CAMKMT: variants seen among roughly 807,000 people sequenced by gnomAD.
CAMKMT encodes calmodulin-lysine N-methyltransferase, also known as CaM KMT.
In CAMKMT, 53 loss-of-function variants were observed where a neutral mutation model predicts 48.0. The ratio of observed to expected loss-of-function variants is 1.10; its 90% confidence interval spans 0.89 to 1.39. The LOEUF is 1.39. Among genes scored for constraint, CAMKMT ranks in the 40% most tolerant of loss-of-function variants. The pLI is 0.00. For synonymous variants in CAMKMT, 165 were observed against 152.3 expected (o/e 1.08, Z -0.61); for missense variants, 428 against 402.7 (o/e 1.06, Z -0.54).
chr2:44,727,445 T>G (rs1678851179), intron 7 of CAMKMT, among the ~76,000 whole-genome samples: 1 of 152,234 alleles, frequency 6.6e-6, no homozygotes, highest in African/African-American at 2.4e-5. Flanking sequence ...GAAATGCTAC[T>G]GATTGTTGTA....
intron 3 of CAMKMT, among the ~76,000 whole-genome samples, chr2:44,620,893 T>C (rs1672148359): frequency 6.6e-6 from 1 of 152,252 alleles, no homozygotes; most frequent in Non-Finnish European, 1.5e-5. Flanking sequence ...TTTTCTCATC[T>C]GTAAAATTAT....
At chr2:44,542,537 ACTCT>A (rs796094902) in intron 3 of CAMKMT, among the ~76,000 whole-genome samples, 492 of 67,950 alleles carry the variant, frequency 7.2e-3, no homozygotes, top group African/African-American at 0.011. Flanking sequence ...ACACACACAC[ACTCT>A]CTCTCTCTCT....
intron 10 of CAMKMT, among the ~76,000 whole-genome samples, chr2:44,767,743 A>T (rs967898230): frequency 1.3e-5 from 2 of 151,434 alleles, no homozygotes; most frequent in Non-Finnish European, 3.0e-5. Context: ...CCCTCCCCCT[A>T]AAAAAAAGCG....
intron 2 of CAMKMT, among the ~76,000 whole-genome samples, chr2:44,376,690 G>T (rs919579929): frequency 4.6e-5 from 7 of 152,138 alleles, no homozygotes; most frequent in African/African-American, 1.4e-4. Context: ...CTAGGTATTT[G>T]TGAATTCAAA....
At chr2:44,691,749 T>C (rs1382635400) in intron 3 of CAMKMT, among the ~76,000 whole-genome samples, 2 of 152,168 alleles carry the variant, frequency 1.3e-5, no homozygotes, top group African/African-American at 4.8e-5. Flanking sequence ...TGTGACCCAG[T>C]ATCTGCATGA....
At chr2:44,588,270 G>C (rs577420429) in intron 3 of CAMKMT, among the ~76,000 whole-genome samples, 3 of 34,920 alleles carry the variant, frequency 8.6e-5, no homozygotes, top group Admixed American at 8.3e-4. Context: ...AGTGAGGAGC[G>C]TCTCCGCCCG....
chr2:44,519,061 A>G (rs1484824726), intron 3 of CAMKMT, among the ~76,000 whole-genome samples: 2 of 152,226 alleles, frequency 1.3e-5, no homozygotes, highest in South Asian at 4.1e-4. Context: ...AATGAAAGTG[A>G]TACGGAACTG....
chr2:44,671,588 C>G (rs1030474273), intron 3 of CAMKMT, among the ~76,000 whole-genome samples: 1 of 152,164 alleles, frequency 6.6e-6, no homozygotes, highest in Non-Finnish European at 1.5e-5. Flanking sequence ...CCCCGTGTGG[C>G]CACCCCAAAT....
At chr2:44,540,934 G>T (rs577238227) in intron 3 of CAMKMT, among the ~76,000 whole-genome samples, 1 of 152,186 alleles carries the variant, frequency 6.6e-6, no homozygotes, top group East Asian at 1.9e-4. Flanking sequence ...TTTCCAAATG[G>T]CTCAGCAATT....
rs556172930 is a variant in CAMKMT at position 44,772,138 on chromosome 2, G to A, written c.*25G>A. On this transcript the variant is annotated 3_prime_UTR_variant, in exon 11 of 11. Coordinates refer to ENST00000378494, the MANE Select transcript of CAMKMT (RefSeq NM_024766.5). ...GAAGATTAAGCTTCTCAAAGACGAA[G>A]AAACGTATCAAGTGCATAGGGAATA... 1.3e-6 allele frequency: 2 copies of A among 1,586,118 alleles called. No individual in the cohort carries two copies. The highest frequency in any genetic ancestry group is 1.1e-5 in the South Asian group (1 of 89,610).
At chr2:44,610,233 C>A (rs1272322452) in intron 3 of CAMKMT, among the ~76,000 whole-genome samples, 1 of 152,034 alleles carries the variant, frequency 6.6e-6, no homozygotes, top group Non-Finnish European at 1.5e-5. Flanking sequence ...TCTCTTGGTT[C>A]CATGAGAGCT....
intron 3 of CAMKMT, among the ~76,000 whole-genome samples, chr2:44,634,715 C>G (rs1673021320): frequency 7.1e-6 from 1 of 141,344 alleles, no homozygotes; most frequent in Non-Finnish European, 1.5e-5. Context: ...CAAATGAGGT[C>G]ATAAGTAACT....
chr2:44,542,886 A>G (rs969572407), intron 3 of CAMKMT, among the ~76,000 whole-genome samples: 1 of 152,198 alleles, frequency 6.6e-6, no homozygotes, highest in African/African-American at 2.4e-5. Context: ...AATTTAGGTC[A>G]GATGGCGGGA....
intron 10 of CAMKMT, among the ~76,000 whole-genome samples, chr2:44,768,362 T>TATATATATATATATATATATATATATATA (rs1491157479): frequency 1.3e-5 from 1 of 74,306 alleles, no homozygotes; most frequent in Non-Finnish European, 2.5e-5. Context: ...TATATATATA[T>TATATATATATATATATATATATATATATA]TTTTTTTTTT....
chr2:44,757,022 C>T (rs368773502), intron 9 of CAMKMT, among the ~76,000 whole-genome samples: 4 of 152,174 alleles, frequency 2.6e-5, no homozygotes, highest in Non-Finnish European at 4.4e-5. Context: ...CATTTCCTCA[C>T]GTGTCAAAAG....
At chr2:44,543,021 T>C (rs192529229) in intron 3 of CAMKMT, among the ~76,000 whole-genome samples, 85 of 152,350 alleles carry the variant, frequency 5.6e-4, no homozygotes, top group Non-Finnish European at 9.4e-4. Context: ...AAGTATCATA[T>C]AGCTTCTTAG....
intron 7 of CAMKMT, among the ~76,000 whole-genome samples, chr2:44,716,268 T>G (rs528455044): frequency 6.6e-5 from 10 of 152,280 alleles, no homozygotes; most frequent in Admixed American, 6.5e-4. Flanking sequence ...TTTTTTTTAT[T>G]AGTTATATAA....
At chr2:44,628,746 A>C (rs1037551141) in intron 3 of CAMKMT, among the ~76,000 whole-genome samples, 4 of 152,056 alleles carry the variant, frequency 2.6e-5, no homozygotes, top group South Asian at 2.1e-4. Flanking sequence ...CATATTTTTA[A>C]TGTTTCTTAT....
intron 2 of CAMKMT, among the ~76,000 whole-genome samples, chr2:44,380,096 A>C (rs977192707): frequency 6.6e-6 from 1 of 151,952 alleles, no homozygotes; most frequent in African/African-American, 2.4e-5. Flanking sequence ...TAGGCTTCAG[A>C]TTTTTCCTCT....
Sources: allele counts gnomAD v4.1 joint callset (sites outside exome capture counted in the v4.1 genomes callset), GRCh38; gene constraint gnomAD v4.1.1; transcripts MANE v1.5; gene names NCBI Gene and HGNC (gene_info 2026-07-23, HGNC 2026-07-21).